Variants in NCAM2 observed in about 807,000 individuals in gnomAD.
NCAM2 encodes the protein N-CAM-2.
NCAM2 carries 30 observed loss-of-function variants against 98.1 expected under a neutral mutation model. The observed-to-expected ratio is 0.31, with a 90% CI of 0.23 to 0.41. The LOEUF is 0.41. Among genes scored for constraint, NCAM2 ranks in the 10% least tolerant of loss-of-function variants. The pLI is 1.00. For synonymous variants in NCAM2, 368 were observed against 342.4 expected (o/e 1.07, Z -0.83); for missense variants, 867 against 1,005.8 (o/e 0.86, Z 1.87).
chr21:21,253,416 C>A (rs115836212), intron 1 of NCAM2, among the ~76,000 whole-genome samples: 2,151 of 152,084 alleles, frequency 0.014, 59 homozygotes, highest in African/African-American at 0.049. Context: ...GGTGGTGGGG[C>A]CTTTGGGAGG....
At chr21:21,480,202 T>C (rs1047636466) in intron 15 of NCAM2, among the ~76,000 whole-genome samples, 5 of 151,520 alleles carry the variant, frequency 3.3e-5, no homozygotes, top group African/African-American at 1.2e-4. Flanking sequence ...CCATCTCTAC[T>C]AAAAATACAA....
intron 5 of NCAM2, among the ~76,000 whole-genome samples, chr21:21,308,128 T>C (rs975370884): frequency 9.2e-5 from 14 of 152,116 alleles, no homozygotes; most frequent in African/African-American, 3.4e-4. Context: ...AATTAGCTCA[T>C]ATTCATAAAT....
intron 1 of NCAM2, among the ~76,000 whole-genome samples, chr21:21,234,809 GGT>G (rs1188906205): frequency 1.3e-5 from 2 of 151,884 alleles, no homozygotes; most frequent in Non-Finnish European, 2.9e-5. Flanking sequence ...CTGACCAACA[GGT>G]CATTATTGCT....
chr21:21,324,882 A>G (rs2074472042), intron 6 of NCAM2, among the ~76,000 whole-genome samples: 1 of 152,144 alleles, frequency 6.6e-6, no homozygotes, highest in Admixed American at 6.6e-5. Context: ...ATATTTTATT[A>G]GAATATAATT....
chr21:21,236,784 G>GTGTGCA (rs991687887), intron 1 of NCAM2, among the ~76,000 whole-genome samples: 2 of 141,744 alleles, frequency 1.4e-5, no homozygotes, highest in Non-Finnish European at 3.1e-5. Context: ...GTGTGTGTGT[G>GTGTGCA]TGCATGCACA....
chr21:21,101,172 T>A (rs1300490125), intron 1 of NCAM2, among the ~76,000 whole-genome samples: 1 of 151,984 alleles, frequency 6.6e-6, no homozygotes, highest in Non-Finnish European at 1.5e-5. Context: ...CACCTTAGAT[T>A]TATGCAAATA....
chr21:21,244,184 T>A (rs911830002), intron 1 of NCAM2, among the ~76,000 whole-genome samples: 2 of 152,078 alleles, frequency 1.3e-5, no homozygotes, highest in Non-Finnish European at 2.9e-5. Context: ...CTTTTATTCA[T>A]CTCCTAAAAG....
At chr21:21,028,602 A>G (rs1166266258) in intron 1 of NCAM2, among the ~76,000 whole-genome samples, 1 of 152,266 alleles carries the variant, frequency 6.6e-6, no homozygotes, top group East Asian at 1.9e-4. Context: ...AGAAAACTGC[A>G]GCATAGGCCA....
rs2076829693 is a variant in NCAM2, at chr21:21,410,291, T to A, written c.1213T>A (p.Ser405Thr). ...LDIEYAPKFI[S>T]NQTIYYSWEG... is the part of the protein sequence containing the mutation. The stretch of plus-strand genomic sequence containing the variant: ...TATTACAGATGCCCCCAAGTTTATA[T>A]CAAACCAAACAATTTATTACTCTTG... The change falls in exon 10 of 18, where the codon TCA (serine) becomes ACA (threonine). Residue 405 changes from serine (S) to threonine (T), a missense_variant. Around this residue, in one of 5 missense-constraint regions of NCAM2, gnomAD observed 447 missense variants for 495.7 expected, o/e 0.90. Coordinates refer to ENST00000400546, the MANE Select transcript of NCAM2 (RefSeq NM_004540.5). The A allele has an allele frequency of 1.3e-6, 2 of 1,561,084 alleles. 1 individual carries two copies. The highest frequency in any genetic ancestry group is 3.8e-5 in the Admixed American group (2 of 52,322).
At chr21:21,340,819 A>C (rs899903521) in intron 8 of NCAM2, among the ~76,000 whole-genome samples, 1 of 152,000 alleles carries the variant, frequency 6.6e-6, no homozygotes, top group East Asian at 1.9e-4. Flanking sequence ...ATGCCTCAGC[A>C]TGATAAAATT....
chr21:21,533,648 G>GT (rs71734481), intron 16 of NCAM2, among the ~76,000 whole-genome samples: 1,384 of 137,854 alleles, frequency 0.01, 10 homozygotes, highest in African/African-American at 0.024. Flanking sequence ...CCCTTCTTTA[G>GT]TTTTTTTTTT....
At chr21:21,002,538 T>G (rs1475169241) in intron 1 of NCAM2, among the ~76,000 whole-genome samples, 1 of 152,116 alleles carries the variant, frequency 6.6e-6, no homozygotes, top group Non-Finnish European at 1.5e-5. Context: ...GTGGAAGCAG[T>G]GCAAATAGTA....
intron 1 of NCAM2, among the ~76,000 whole-genome samples, chr21:21,276,003 A>G (rs1330397191): frequency 6.6e-6 from 1 of 152,132 alleles, no homozygotes; most frequent in Non-Finnish European, 1.5e-5. Context: ...ATACTGACCT[A>G]CTAATTTCCT....
intron 8 of NCAM2, among the ~76,000 whole-genome samples, chr21:21,362,031 A>G (rs1324839363): frequency 6.6e-6 from 1 of 152,254 alleles, no homozygotes; most frequent in Non-Finnish European, 1.5e-5. Flanking sequence ...TACTTTAAAT[A>G]TATCCATAAT....
chr21:21,528,765 C>T (rs1374629570), intron 16 of NCAM2, among the ~76,000 whole-genome samples: 1 of 152,084 alleles, frequency 6.6e-6, no homozygotes, highest in East Asian at 1.9e-4. Context: ...ATGACAACCA[C>T]ACATTTATCA....
chr21:21,288,784 T>A (rs2073191181), intron 4 of NCAM2, among the ~76,000 whole-genome samples: 1 of 151,948 alleles, frequency 6.6e-6, no homozygotes. Flanking sequence ...CCAGATATAT[T>A]TATTTTGCCA....
At chr21:21,272,514 A>G (rs199632973) in intron 1 of NCAM2, among the ~76,000 whole-genome samples, 98,530 of 142,194 alleles carry the variant, frequency 0.69, 33,522 homozygotes, top group Non-Finnish European at 0.77. Flanking sequence ...GCGCGCACAC[A>G]CACACACACA....
chr21:21,532,385 A>C (rs1470651181), intron 16 of NCAM2, among the ~76,000 whole-genome samples: 2 of 152,104 alleles, frequency 1.3e-5, no homozygotes, highest in Admixed American at 6.5e-5. Flanking sequence ...CTCTGGAAAA[A>C]AATTAATGTA....
At chr21:21,188,125 A>G (rs555543620) in intron 1 of NCAM2, among the ~76,000 whole-genome samples, 17 of 152,288 alleles carry the variant, frequency 1.1e-4, no homozygotes, top group African/African-American at 3.8e-4. Context: ...GTTCTGTAAT[A>G]TTCATATTAT....
Sources: allele counts gnomAD v4.1 joint callset (sites outside exome capture counted in the v4.1 genomes callset), GRCh38; gene constraint gnomAD v4.1.1; regional missense constraint gnomAD v4.1.1; transcripts MANE v1.5; gene names NCBI Gene and HGNC (gene_info 2026-07-23, HGNC 2026-07-21).